FREM2: variants seen among roughly 807,000 people sequenced by gnomAD.
FREM2 encodes the protein FRAS1-related extracellular matrix protein 2.
FREM2 carries 119 observed loss-of-function variants against 219.9 expected under a neutral mutation model. That is an observed-to-expected ratio of 0.54 (90% CI 0.47 to 0.63). The LOEUF (loss-of-function observed/expected upper bound fraction) is 0.63. Ranked by LOEUF, FREM2 falls within the 30% of genes least tolerant of loss-of-function variation. The probability of loss-of-function intolerance (pLI) is 0.00; values close to 1 mark genes in which losing one functional copy is unlikely to be tolerated. For missense variants in FREM2, 4,030 were observed against 3,993.6 expected (o/e 1.01, Z -0.25); for synonymous variants, 1,562 against 1,522.8 (o/e 1.03, Z -0.60).
chr13:38,876,384 TG>T lies in FREM2; in HGVS notation c.8544+3del. ...GACCTTGACATCCGATTCCAACAGG[TG>T]TGGCTTATAGAATTACTATCTTATG... On this transcript the variant is annotated splice_donor_region_variant and intron_variant, in intron 20 of 23. Coordinates refer to ENST00000280481, the MANE Select transcript of FREM2 (RefSeq NM_207361.6). 6.2e-7 allele frequency: 1 copy of T among 1,612,922 alleles called. No homozygotes were observed. Among genetic ancestry groups the T allele is most frequent in the Non-Finnish European group, 8.5e-7 (1 of 1,179,360 alleles).
intron 16 of FREM2, among the ~76,000 whole-genome samples, chr13:38,872,073 A>G (rs369865869): frequency 1.3e-5 from 2 of 152,234 alleles, no homozygotes; most frequent in East Asian, 3.8e-4. Flanking sequence ...TGATAAATAG[A>G]TAAATGAAAT....
In FREM2 at chr13:38,721,409, C is replaced by CAG. The variant is rs1871243201; in HGVS notation, c.5263+23625_5263+23626dup. On this transcript the variant is annotated intron_variant, in intron 2 of 23. Transcript: ENST00000280481. ...GCAGCCATGGGTGAGGACAGCAGAG[C>CAG]AGAGGTAGCATAGCCACGGCAGAGG... 2.6e-5 allele frequency among the ~76,000 whole-genome samples: 4 copies of CAG among 152,166 alleles called. No individual in the cohort carries two copies. The South Asian group carries it at 8.3e-4, about 32-fold the overall frequency.
intron 2 of FREM2, among the ~76,000 whole-genome samples, chr13:38,756,933 T>C (rs574223177): frequency 6.6e-6 from 1 of 152,154 alleles, no homozygotes; most frequent in Non-Finnish European, 1.5e-5. Flanking sequence ...AATAGGATAC[T>C]TCTTTACAGC....
chr13:38,707,553 A>AT lies in FREM2; in HGVS notation c.5263+9772dup, dbSNP rs757044370. Among the ~76,000 whole-genome samples, 3 of 152,210 alleles carry AT rather than the reference A, an allele frequency of 2.0e-5. No individual in the cohort carries two copies. In the East Asian group the frequency reaches 5.8e-4, roughly 29 times the overall value. ...CGCCTGTTCTCCATCCCTCTGCTGG[A>AT]TTTTTTAGCACAGGAAGGTTTAATC... On this transcript the variant is annotated intron_variant, in intron 2 of 23. Transcript: ENST00000280481.
At chr13:38,696,810 CTTT>C (rs71694503) in intron 1 of FREM2, among the ~76,000 whole-genome samples, 6 of 143,662 alleles carry the variant, frequency 4.2e-5, no homozygotes, top group Admixed American at 7.0e-5. Flanking sequence ...AAGGTTTCCA[CTTT>C]TTTTTTTTTT....
chr13:38,737,712 C>A (rs185438987), intron 2 of FREM2, among the ~76,000 whole-genome samples: 1 of 152,280 alleles, frequency 6.6e-6, no homozygotes, highest in African/African-American at 2.4e-5. Flanking sequence ...GACTAATACA[C>A]AGTCTGGTGT....
chr13:38,757,351 T>C lies in FREM2; in HGVS notation c.5264-6953T>C, dbSNP rs561910955. On this transcript the variant is annotated intron_variant, in intron 2 of 23. Coordinates refer to ENST00000280481, the MANE Select transcript of FREM2 (RefSeq NM_207361.6). Reference sequence around the variant, plus strand: ...TCTCCACCTCCATGTAATCTGGCCGTTGCTTGTCTGAATATTGAGTAGAGT... The same window carrying C: ...TCTCCACCTCCATGTAATCTGGCCGCTGCTTGTCTGAATATTGAGTAGAGT... Among the ~76,000 whole-genome samples the C allele has an allele frequency of 5.9e-5, 9 of 152,302 alleles. No individual in the cohort carries two copies. The South Asian group carries it at 1.9e-3, about 32-fold the overall frequency.
rs1341611797 is a variant in FREM2, at chr13:38,813,381, A to T, written c.6019+28573A>T. On this transcript the variant is annotated intron_variant, in intron 6 of 23. Coordinates refer to ENST00000280481, the MANE Select transcript of FREM2 (RefSeq NM_207361.6). The stretch of plus-strand genomic sequence containing the variant: ...TTTCCTTCAGCACTTTAAATATGTC[A>T]TACCCCTCTCTCCTGTCCTGTAAGG... Among the ~76,000 whole-genome samples the T allele has an allele frequency of 9.3e-5, 14 of 150,296 alleles. No homozygotes were observed. In the East Asian group the frequency reaches 2.8e-3, roughly 30 times the overall value.
At position 38,870,997 on chromosome 13, in the gene FREM2, T is replaced by C. The variant is rs138052549; in HGVS notation, c.7984-1745T>C. ...ATATTAATCTTAAGGACTAGTGGCA[T>C]ATGGGTTGACTTAGTCACCGTCCAT... On this transcript the variant is annotated intron_variant, in intron 16 of 23. Coordinates refer to ENST00000280481, the MANE Select transcript of FREM2 (RefSeq NM_207361.6). 1.9e-3 allele frequency among the ~76,000 whole-genome samples: 290 copies of C among 152,306 alleles called. 1 individual carries two copies. The highest frequency in any genetic ancestry group is 6.8e-3 in the African/African-American group (282 of 41,578).
intron 11 of FREM2, 51 bp from the exon 12 acceptor site, chr13:38,856,074 AC>A: frequency 1.6e-5 from 21 of 1,308,962 alleles, no homozygotes; most frequent in East Asian, 7.3e-5. Flanking sequence ...AAAATAGAAA[AC>A]TTCTCATATT....
At chr13:38,789,717 T>C (rs1257876744) in intron 6 of FREM2, among the ~76,000 whole-genome samples, 2 of 151,314 alleles carry the variant, frequency 1.3e-5, no homozygotes, top group African/African-American at 4.8e-5. Flanking sequence ...ATAACTATAT[T>C]TGCATTTTGA....
intron 18 of FREM2, among the ~76,000 whole-genome samples, chr13:38,875,016 C>T (rs1200752587): frequency 6.6e-6 from 1 of 152,094 alleles, no homozygotes; most frequent in East Asian, 1.9e-4. Context: ...AGGTACTTCA[C>T]TTTCATATTT....
In FREM2 at chr13:38,857,969, A is replaced by G. The variant is rs753220038; in HGVS notation, c.7151A>G (p.Asp2384Gly). ...VPQIVSLLMY[D>G]DTSKAKESAE... ...CAAATTGTATCCCTGTTGATGTATG[A>G]CGACACTTCCAAAGCTAAGGAGAGT... The change falls in exon 13 of 24, where the codon GAC becomes GGC. Residue 2384 changes from aspartate to glycine, a missense_variant. Asp to Gly is a moderately conservative substitution (Grantham distance 94). Around this residue, in one of 2 missense-constraint regions of FREM2, gnomAD observed 928 missense variants for 1,042.9 expected, o/e 0.89. Coordinates refer to ENST00000280481, the MANE Select transcript of FREM2 (RefSeq NM_207361.6). 34 of 1,613,836 alleles carry G rather than the reference A, an allele frequency of 2.1e-5. No homozygotes were observed. Among genetic ancestry groups the G allele is most frequent in the Non-Finnish European group, 1.7e-6 (2 of 1,179,856 alleles).
chr13:38,850,196 C>T lies in FREM2; in HGVS notation c.6538C>T (p.Arg2180Cys), dbSNP rs201190773. Residue 2180 changes from arginine (R) to cysteine (C), a missense_variant, in exon 9 of 24, where the codon CGC becomes TGC. Arg to Cys is a radical substitution (Grantham distance 180). Coordinates refer to ENST00000280481, the MANE Select transcript of FREM2 (RefSeq NM_207361.6). ...ACAGGTGATGATGGACTTTGAAGAACGCCCAAACACTGATACCTCCATCAT... is the reference window on the plus strand; with the variant it reads ...ACAGGTGATGATGGACTTTGAAGAATGCCCAAACACTGATACCTCCATCAT... The part of the protein sequence containing the change: ...SAQVMMDFEE[R>C]PNTDTSIITF... 29 of 1,613,932 alleles carry T rather than the reference C, an allele frequency of 1.8e-5. No individual in the cohort carries two copies. Among genetic ancestry groups the T allele is most frequent in the East Asian group, 8.9e-5 (4 of 44,862 alleles).
Position 38,692,527 on chromosome 13 carries a change from A to G in FREM2, c.5173+10A>G, listed in dbSNP as rs375573633. The G allele has an allele frequency of 4.7e-5, 76 of 1,606,988 alleles. No homozygotes were observed. The African/African-American group carries it at 6.5e-4, about 14-fold the overall frequency. On this transcript the variant is annotated intron_variant, in intron 1 of 23. Transcript: ENST00000280481. ...ACTCAGTTCACACAAGGTATGTTTCATGTTTCTTTTCTTGGTTATCCTTGT... is the reference window on the plus strand; with the variant it reads ...ACTCAGTTCACACAAGGTATGTTTCGTGTTTCTTTTCTTGGTTATCCTTGT...
chr13:38,796,193 A>G (rs1026886896), intron 6 of FREM2, among the ~76,000 whole-genome samples: 1 of 152,096 alleles, frequency 6.6e-6, no homozygotes, highest in Non-Finnish European at 1.5e-5. Context: ...TTGAGCCATC[A>G]CTGTTGGAGC....
chr13:38,726,243 G>A (rs1267372796), intron 2 of FREM2, among the ~76,000 whole-genome samples: 2 of 152,132 alleles, frequency 1.3e-5, no homozygotes, highest in Non-Finnish European at 2.9e-5. Context: ...CCTGGGTATA[G>A]GGCCTATCTG....
intron 6 of FREM2, among the ~76,000 whole-genome samples, chr13:38,807,201 ATATATATATATATATATATATATATATG>A (rs1462402686): frequency 1.1e-5 from 1 of 95,196 alleles, no homozygotes; most frequent in Admixed American, 1.0e-4. Context: ...ATATATATAT[ATATATATATATATATATATATATATATG>A]TATGGTTTTG....
intron 6 of FREM2, among the ~76,000 whole-genome samples, chr13:38,805,317 G>A (rs935413116): frequency 3.3e-5 from 5 of 151,832 alleles, no homozygotes; most frequent in Non-Finnish European, 5.9e-5. Flanking sequence ...ACATCACAGA[G>A]GGAGGAAGGA....
Sources: allele counts gnomAD v4.1 joint callset (sites outside exome capture counted in the v4.1 genomes callset), GRCh38; gene constraint gnomAD v4.1.1; regional missense constraint gnomAD v4.1.1; transcripts MANE v1.5; gene names NCBI Gene and HGNC (gene_info 2026-07-23, HGNC 2026-07-21).